The following ATRNL1 variants were observed in gnomAD, a reference collection of about 807,000 sequenced individuals.
ATRNL1 encodes the protein attractin-like protein 1.
A neutral mutation model predicts 182.7 loss-of-function variants in ATRNL1; 95 were observed. That is an observed-to-expected ratio of 0.52 (90% CI 0.44 to 0.62). The LOEUF (loss-of-function observed/expected upper bound fraction) is 0.62, where lower values mean the gene tolerates loss of function less well. ATRNL1 is among the 20% of genes least tolerant of loss of function. The probability of loss-of-function intolerance (pLI) is 0.00; values close to 1 mark genes in which losing one functional copy is unlikely to be tolerated. For missense variants in ATRNL1, 1,471 were observed against 1,679.5 expected (o/e 0.88, Z 2.17); for synonymous variants, 576 against 568.3 (o/e 1.01, Z -0.19).
chr10:115,790,480 G>C lies in ATRNL1; in HGVS notation c.3904-57397G>C, dbSNP rs79652414. Among the ~76,000 whole-genome samples, 695 of 152,092 alleles carry C rather than the reference G, an allele frequency of 4.6e-3. 11 individuals carry two copies. Among genetic ancestry groups the C allele is most frequent in the African/African-American group, 0.016 (649 of 41,486 alleles). On this transcript the variant is annotated intron_variant, in intron 27 of 28. Transcript: ENST00000355044. ...TTTCTGTTACGATTGAATTTTAGCT[G>C]ATTTAATATCTGTTCCTAAACAGTG... is the stretch of plus-strand genomic sequence containing the variant.
At chr10:115,684,858 A>G (rs782735495) in intron 26 of ATRNL1, among the ~76,000 whole-genome samples, 9 of 151,756 alleles carry the variant, frequency 5.9e-5, no homozygotes, top group Non-Finnish European at 1.0e-4. Flanking sequence ...GCATGTTATG[A>G]TACTTAACAA....
intron 28 of ATRNL1, among the ~76,000 whole-genome samples, chr10:115,870,664 C>A (rs1434957730): frequency 6.6e-6 from 1 of 152,108 alleles, no homozygotes; most frequent in African/African-American, 2.4e-5. Context: ...CTGATAATAT[C>A]GTGCATATCT....
At chr10:115,305,051 G>A (rs185274492) in intron 17 of ATRNL1, among the ~76,000 whole-genome samples, 7 of 151,560 alleles carry the variant, frequency 4.6e-5, no homozygotes, top group African/African-American at 1.7e-4. Flanking sequence ...CCTGTTGGTG[G>A]TAAATCTAGT....
At chr10:115,204,539 A>G (rs1444846868) in intron 8 of ATRNL1, among the ~76,000 whole-genome samples, 1 of 152,128 alleles carries the variant, frequency 6.6e-6, no homozygotes, top group African/African-American at 2.4e-5. Context: ...ATCTATTGAG[A>G]TGATAATAGA....
intron 26 of ATRNL1, among the ~76,000 whole-genome samples, chr10:115,553,962 G>T (rs1379800577): frequency 2.0e-5 from 3 of 151,418 alleles, no homozygotes; most frequent in African/African-American, 7.2e-5. Flanking sequence ...ACAGAAAGAA[G>T]ATTCGGCACA....
At chr10:115,524,225 C>T (rs1554985991) in intron 25 of ATRNL1, among the ~76,000 whole-genome samples, 1 of 152,194 alleles carries the variant, frequency 6.6e-6, no homozygotes, top group Non-Finnish European at 1.5e-5. Context: ...TAAGCCCCAC[C>T]TCTAACATTG....
intron 26 of ATRNL1, among the ~76,000 whole-genome samples, chr10:115,676,675 C>A (rs1032769252): frequency 6.6e-5 from 10 of 151,456 alleles, no homozygotes; most frequent in African/African-American, 1.9e-4. Context: ...TATGCTGTGT[C>A]AAATGTATTT....
chr10:115,527,388 T>C (rs1851277838), intron 25 of ATRNL1, among the ~76,000 whole-genome samples: 1 of 152,110 alleles, frequency 6.6e-6, no homozygotes, highest in South Asian at 2.1e-4. Flanking sequence ...TCCAAAGTGC[T>C]GAGATTACAG....
At chr10:115,370,194 CT>C (rs1299244941) in intron 19 of ATRNL1, among the ~76,000 whole-genome samples, 1 of 152,198 alleles carries the variant, frequency 6.6e-6, no homozygotes, top group Non-Finnish European at 1.5e-5. Context: ...AAACCTCTTT[CT>C]TTTATAAATT....
chr10:115,710,640 GGA>G (rs1460932960), intron 26 of ATRNL1, among the ~76,000 whole-genome samples: 4 of 151,986 alleles, frequency 2.6e-5, no homozygotes, highest in African/African-American at 9.7e-5. Flanking sequence ...AGGAGTCCTG[GGA>G]GAGAGAAAAT....
chr10:115,782,616 A>G (rs192202766), intron 27 of ATRNL1, among the ~76,000 whole-genome samples: 4 of 152,262 alleles, frequency 2.6e-5, no homozygotes, highest in Admixed American at 2.0e-4. Context: ...AAAAGAGAAA[A>G]GGGCTGAGAA....
intron 26 of ATRNL1, among the ~76,000 whole-genome samples, chr10:115,605,973 A>T (rs1447168471): frequency 6.6e-6 from 1 of 152,026 alleles, no homozygotes; most frequent in Admixed American, 6.6e-5. Context: ...AGTAAGAAAG[A>T]TGCATGCATA....
At chr10:115,911,647 C>T (rs797038690) in intron 28 of ATRNL1, among the ~76,000 whole-genome samples, 13 of 152,192 alleles carry the variant, frequency 8.5e-5, no homozygotes, top group African/African-American at 3.1e-4. Flanking sequence ...AATTGAGGCC[C>T]GATTTCATCA....
At chr10:115,320,461 C>T (rs1446960181) in intron 18 of ATRNL1, among the ~76,000 whole-genome samples, 5 of 152,140 alleles carry the variant, frequency 3.3e-5, no homozygotes, top group African/African-American at 1.2e-4. Flanking sequence ...TGGGGAAGTT[C>T]TCCTGGATAA....
At chr10:115,321,257 G>C (rs535675402) in intron 18 of ATRNL1, among the ~76,000 whole-genome samples, 1 of 152,218 alleles carries the variant, frequency 6.6e-6, no homozygotes, top group South Asian at 2.1e-4. Flanking sequence ...CAGTACAGTT[G>C]GGTGCCTGCG....
chr10:115,357,971 C>A (rs1316464585), intron 19 of ATRNL1, among the ~76,000 whole-genome samples: 1 of 151,554 alleles, frequency 6.6e-6, no homozygotes, highest in African/African-American at 2.4e-5. Context: ...CTTATTCCAT[C>A]TTTTCCCTCT....
chr10:115,489,190 A>T (rs184557978), intron 24 of ATRNL1, among the ~76,000 whole-genome samples: 28 of 152,320 alleles, frequency 1.8e-4, no homozygotes, highest in Non-Finnish European at 2.6e-4. Context: ...GCTGAGAAGA[A>T]TGTATATTCT....
intron 25 of ATRNL1, among the ~76,000 whole-genome samples, chr10:115,534,415 T>A (rs1396592788): frequency 2.4e-4 from 37 of 152,354 alleles, no homozygotes; most frequent in Non-Finnish European, 7.3e-5. Flanking sequence ...TATCAGAGAC[T>A]AGGATTGCAA....
intron 28 of ATRNL1, among the ~76,000 whole-genome samples, chr10:115,896,663 T>A: frequency 6.6e-6 from 1 of 151,982 alleles, no homozygotes; most frequent in East Asian, 1.9e-4. Flanking sequence ...AGAAAAAGAA[T>A]ACAGAAATAG....
Sources: gnomAD v4.1 joint callset for allele counts (sites outside exome capture counted in the v4.1 genomes callset) on GRCh38, gnomAD v4.1.1 for gene constraint, MANE v1.5 for transcripts, NCBI Gene and HGNC (gene_info 2026-07-23, HGNC 2026-07-21) for gene names.